ARMC9: variants seen among roughly 807,000 people sequenced by gnomAD.
ARMC9 encodes lisH domain-containing protein ARMC9.
ARMC9 carries 94 observed loss-of-function variants against 107.0 expected under a neutral mutation model. That is an observed-to-expected ratio of 0.88 (90% CI 0.74 to 1.04). The LOEUF (loss-of-function observed/expected upper bound fraction) is 1.04. Among genes scored for constraint, ARMC9 ranks in the 50% least tolerant of loss-of-function variants. ARMC9 has a pLI of 0.00. For synonymous variants in ARMC9, 380 were observed against 396.9 expected, an observed-to-expected ratio of 0.96 and a Z score of 0.51; for missense variants, 942 against 1,030.1, an observed-to-expected ratio of 0.91 and a Z score of 1.17.
At chr2:231,321,536 G>A (rs1160758976) in intron 19 of ARMC9, among the ~76,000 whole-genome samples, 1 of 152,126 alleles carries the variant, frequency 6.6e-6, no homozygotes, top group Non-Finnish European at 1.5e-5. Flanking sequence ...TGACATTCCT[G>A]CTGGCATGTA....
intron 17 of ARMC9, 82 bp from the exon 18 acceptor site, chr2:231,291,271 G>C: frequency 9.1e-7 from 1 of 1,102,670 alleles, no homozygotes; most frequent in East Asian, 2.4e-5. Context: ...TTATTTTTTG[G>C]ATTAGATGAG....
intron 20 of ARMC9, among the ~76,000 whole-genome samples, chr2:231,333,389 G>C (rs374652431): frequency 6.6e-6 from 1 of 152,182 alleles, no homozygotes; most frequent in Admixed American, 6.5e-5. Context: ...ATGGAGGCTG[G>C]GGGGCGGGGA....
Position 231,370,016 on chromosome 2 carries a change from G to GA in ARMC9, c.2327dup (p.Asn776LysfsTer192). The GA allele has an allele frequency of 6.5e-7, 1 of 1,535,706 alleles. No individual in the cohort carries two copies. The highest frequency in any genetic ancestry group is 2.4e-5 in the East Asian group (1 of 40,866). On this transcript the variant is annotated frameshift_variant, in exon 24 of 25. Coordinates refer to ENST00000611582, the MANE Select transcript of ARMC9 (RefSeq NM_001352754.2). LOFTEE classifies it high-confidence loss of function. ...CCTGCACTCCAGAGATGCTGGACTG[G>GA]AACCCACCCAAGGCAAAGGCGTCAG... is the stretch of plus-strand genomic sequence containing the variant.
chr2:231,260,474 G>T (rs2038229393), intron 11 of ARMC9, among the ~76,000 whole-genome samples: 1 of 152,186 alleles, frequency 6.6e-6, no homozygotes, highest in Non-Finnish European at 1.5e-5. Flanking sequence ...AGGTGTCTTG[G>T]CATCAGGATC....
intron 3 of ARMC9, among the ~76,000 whole-genome samples, chr2:231,208,724 G>T (rs2032389437): frequency 6.6e-6 from 1 of 152,170 alleles, no homozygotes; most frequent in Non-Finnish European, 1.5e-5. Flanking sequence ...CCAGTGGGCT[G>T]CAGGGGCACA....
intron 5 of ARMC9, among the ~76,000 whole-genome samples, chr2:231,221,599 C>T (rs2034129792): frequency 6.6e-6 from 1 of 151,210 alleles, no homozygotes; most frequent in Admixed American, 6.6e-5. Flanking sequence ...AAGGCCAAGG[C>T]AGGTAGATCA....
In ARMC9 at chr2:231,312,197, G is replaced by A. The variant is rs147928608; in HGVS notation, c.1773+15944G>A. ...ATGTCAGCTGGGCCGGAAGGTTCGA[G>A]GTGGTTTGGCAGTTGGTGCAGGCTG... On this transcript the variant is annotated intron_variant, in intron 19 of 24. Coordinates refer to ENST00000611582, the MANE Select transcript of ARMC9 (RefSeq NM_001352754.2). Among the ~76,000 whole-genome samples, 426 of 152,306 alleles carry A rather than the reference G, an allele frequency of 2.8e-3. 1 individual carries two copies. The highest frequency in any genetic ancestry group is 9.4e-3 in the African/African-American group (390 of 41,568).
chr2:231,242,360 C>T (rs762502419), intron 9 of ARMC9, among the ~76,000 whole-genome samples: 2 of 152,150 alleles, frequency 1.3e-5, no homozygotes, highest in South Asian at 2.1e-4. Flanking sequence ...GTTCCACACA[C>T]GTGGACAGAC....
chr2:231,308,865 C>T (rs1274487619), intron 19 of ARMC9, among the ~76,000 whole-genome samples: 8 of 152,228 alleles, frequency 5.3e-5, no homozygotes, highest in Admixed American at 5.2e-4. Flanking sequence ...AGGCTAGCTG[C>T]TCTCCATGAA....
At chr2:231,357,027 C>T (rs1480274248) in intron 22 of ARMC9, among the ~76,000 whole-genome samples, 2 of 152,098 alleles carry the variant, frequency 1.3e-5, no homozygotes, top group South Asian at 2.1e-4. Context: ...ACTGATTGGA[C>T]GTGCCTTTGG....
intron 19 of ARMC9, among the ~76,000 whole-genome samples, chr2:231,325,904 A>G (rs2043287622): frequency 6.6e-6 from 1 of 152,178 alleles, no homozygotes; most frequent in Admixed American, 6.5e-5. Context: ...ATAGGGCATG[A>G]GTCCCAACTA....
chr2:231,348,510 G>A (rs191608905), intron 21 of ARMC9, among the ~76,000 whole-genome samples: 2 of 152,304 alleles, frequency 1.3e-5, no homozygotes, highest in Admixed American at 1.3e-4. Context: ...AATGTCTCCA[G>A]GACATTGTTC....
At chr2:231,270,939 C>T in intron 12 of ARMC9, 43 bp from the exon 13 acceptor site, 1 of 1,565,294 alleles carries the variant, frequency 6.4e-7, no homozygotes, top group Middle Eastern at 1.7e-4. Context: ...GTTTATCTCT[C>T]CGTGTTCTTA....
At chr2:231,220,008 T>G (rs897505323) in intron 5 of ARMC9, among the ~76,000 whole-genome samples, 1 of 152,050 alleles carries the variant, frequency 6.6e-6, no homozygotes, top group Admixed American at 6.6e-5. Context: ...TTTCTGAGGG[T>G]TCAGCTGAGT....
chr2:231,349,871 A>G (rs908338533), intron 21 of ARMC9, among the ~76,000 whole-genome samples: 5 of 152,170 alleles, frequency 3.3e-5, no homozygotes, highest in African/African-American at 4.8e-5. Flanking sequence ...AAAATAACTA[A>G]AAGAGTATGA....
chr2:231,269,398 CTTTTTTTTTTT>C (rs773618086), intron 12 of ARMC9, among the ~76,000 whole-genome samples: 3 of 112,404 alleles, frequency 2.7e-5, no homozygotes, highest in African/African-American at 7.8e-5. Flanking sequence ...TTTTCTTCTT[CTTTTTTTTTTT>C]TTTTTTTTTT....
At chr2:231,231,602 T>A (rs1337247454) in intron 7 of ARMC9, among the ~76,000 whole-genome samples, 1 of 152,046 alleles carries the variant, frequency 6.6e-6, no homozygotes, top group African/African-American at 2.4e-5. Flanking sequence ...CAGGCTGGTC[T>A]CGAACTCCTG....
chr2:231,232,085 G>C (rs1383405067), intron 7 of ARMC9, among the ~76,000 whole-genome samples: 1 of 149,194 alleles, frequency 6.7e-6, no homozygotes, highest in East Asian at 2.0e-4. Flanking sequence ...GAGTGCAGTG[G>C]TGCAATCTCG....
chr2:231,351,083 G>A (rs1286958445), intron 21 of ARMC9, among the ~76,000 whole-genome samples: 2 of 133,652 alleles, frequency 1.5e-5, no homozygotes, highest in Non-Finnish European at 3.1e-5. Context: ...TCAGCTTCCC[G>A]AGTAGTTGGG....
Sources: allele counts gnomAD v4.1 joint callset (sites outside exome capture counted in the v4.1 genomes callset), GRCh38; gene constraint gnomAD v4.1.1; transcripts MANE v1.5; gene names NCBI Gene and HGNC (gene_info 2026-07-23, HGNC 2026-07-21).